The following COL4A5 variants were observed in gnomAD, a reference collection of about 807,000 sequenced individuals.
COL4A5 encodes collagen type IV alpha 5 chain.
A neutral mutation model predicts 130.2 loss-of-function variants in COL4A5; 26 were observed. The observed-to-expected ratio is 0.20, with a 90% CI of 0.15 to 0.28. COL4A5 has a LOEUF of 0.28. COL4A5 is among the 10% of genes least tolerant of loss of function. The probability of loss-of-function intolerance (pLI) is 1.00; values close to 1 mark genes in which losing one functional copy is unlikely to be tolerated. For missense variants in COL4A5, 1,131 were observed against 1,344.3 expected (o/e 0.84, Z 2.48); for synonymous variants, 496 against 439.6 (o/e 1.13, Z -1.60).
chrX:108,569,073 A>G (rs1389724559), intron 6 of COL4A5: 4 of 322,559 alleles, frequency 1.2e-5, no homozygotes, highest in Non-Finnish European at 2.2e-5. Context: ...TTTAGCATAA[A>G]GTAGGATGAG....
At chrX:108,508,917 G>A (rs889020611) in intron 1 of COL4A5, among the ~76,000 whole-genome samples, 5 of 111,853 alleles carry the variant, frequency 4.5e-5, no homozygotes, top group Admixed American at 2.8e-4. Context: ...AACTCAAAAT[G>A]TATTAAACAA....
At chrX:108,452,587 A>G (rs879179221) in intron 1 of COL4A5, among the ~76,000 whole-genome samples, 2 of 111,718 alleles carry the variant, frequency 1.8e-5, no homozygotes, top group South Asian at 3.8e-4. Context: ...CTTTGAAGCA[A>G]TTGTGAATGG....
chrX:108,568,439 A>G (rs2066008498), intron 4 of COL4A5, among the ~76,000 whole-genome samples, 190 bp from the exon 5 acceptor site: 1 of 112,135 alleles, frequency 8.9e-6, no homozygotes, highest in Non-Finnish European at 1.9e-5. Context: ...ATAGTTTTCA[A>G]TAAAAGAGAC....
At chrX:108,542,090 G>A (rs1406302865) in intron 2 of COL4A5, among the ~76,000 whole-genome samples, 1 of 111,613 alleles carries the variant, frequency 9.0e-6, no homozygotes, top group African/African-American at 3.3e-5. Flanking sequence ...ACAGAGTAAT[G>A]GAAACTGTAT....
At chrX:108,619,791 T>A (rs2067002811) in intron 30 of COL4A5, among the ~76,000 whole-genome samples, 1 of 112,123 alleles carries the variant, frequency 8.9e-6, no homozygotes, top group Non-Finnish European at 1.9e-5. Flanking sequence ...CAAATGTAAG[T>A]GTGTTCAATA....
intron 36 of COL4A5, among the ~76,000 whole-genome samples, chrX:108,638,338 T>A (rs1354373491): frequency 2.7e-5 from 3 of 110,876 alleles, no homozygotes; most frequent in Non-Finnish European, 3.8e-5. Flanking sequence ...GATCACTTAA[T>A]TAATGCAAAA....
chrX:108,592,175 T>G (rs1339618637), intron 21 of COL4A5, among the ~76,000 whole-genome samples: 1 of 111,874 alleles, frequency 8.9e-6, no homozygotes, highest in African/African-American at 3.2e-5. Context: ...CAAGAGAACT[T>G]TCACTGATTG....
At position 108,569,003 on chromosome X, in the gene COL4A5, T is replaced by C. The variant is rs1484002947; in HGVS notation, c.384+182T>C. 7.0e-6 allele frequency: 3 copies of C among 429,873 alleles called. No homozygotes were observed. In the Admixed American group the frequency reaches 1.2e-4, roughly 18 times the overall value. 35.4% of individuals were successfully genotyped at this position (429,873 alleles called of 1,213,427 possible). The stretch of plus-strand genomic sequence containing the variant: ...GAACTATCAATAATTTCATTAAACA[T>C]GTATAATTAGCTGGGATATTGCATT... On this transcript the variant is annotated intron_variant, in intron 6 of 52. Coordinates refer to ENST00000328300, the MANE Select transcript of COL4A5 (RefSeq NM_033380.3).
intron 1 of COL4A5, among the ~76,000 whole-genome samples, chrX:108,474,127 T>C (rs2064809275): frequency 1.8e-5 from 2 of 111,493 alleles, no homozygotes; most frequent in Admixed American, 1.9e-4. Flanking sequence ...ACAGAGTCTA[T>C]AGTAATATGC....
chrX:108,662,915 A>G (rs189016363), intron 37 of COL4A5, among the ~76,000 whole-genome samples: 1 of 112,283 alleles, frequency 8.9e-6, no homozygotes, highest in African/African-American at 3.2e-5. Context: ...AATCCTAAGC[A>G]AAAAGAACAA....
chrX:108,624,427 A>AT (rs1352989880), intron 34 of COL4A5, 93 bp downstream of exon 34: 1 of 765,598 alleles, frequency 1.3e-6, no homozygotes, highest in Non-Finnish European at 2.0e-6. Flanking sequence ...GATGCTGTGG[A>AT]TTTGATCATG....
intron 36 of COL4A5, among the ~76,000 whole-genome samples, chrX:108,645,580 T>A (rs76339069): frequency 0.12 from 12,791 of 109,020 alleles, 1,356 homozygotes; most frequent in African/African-American, 0.34. Context: ...TACTTTTTTT[T>A]AAAATTATTA....
At chrX:108,527,844 C>T (rs757116782) in intron 1 of COL4A5, among the ~76,000 whole-genome samples, 11 of 112,020 alleles carry the variant, frequency 9.8e-5, no homozygotes, top group Non-Finnish European at 1.7e-4. Context: ...CAGCTGGTAC[C>T]TGCCTGCAAG....
At chrX:108,536,265 G>T (rs1306256285) in intron 1 of COL4A5, among the ~76,000 whole-genome samples, 1 of 110,010 alleles carries the variant, frequency 9.1e-6, no homozygotes, top group Non-Finnish European at 1.9e-5. Context: ...GTAGTTGTGT[G>T]TGTGTGTGTG....
At position 108,660,446 on chromosome X, in the gene COL4A5, G is replaced by A. The variant is rs1041162837; in HGVS notation, c.3373+4989G>A. ...TTTGCTGGTGACAAATTCTCTCACC[G>A]TTAATTTATCTGCAAATGTCTTTGT... On this transcript the variant is annotated intron_variant, in intron 37 of 52. Coordinates refer to ENST00000328300, the MANE Select transcript of COL4A5 (RefSeq NM_033380.3). Among the ~76,000 whole-genome samples the A allele has an allele frequency of 4.5e-5, 5 of 111,604 alleles. No individual in the cohort carries two copies. In the East Asian group the frequency reaches 8.5e-4, roughly 19 times the overall value.
intron 36 of COL4A5, among the ~76,000 whole-genome samples, chrX:108,631,392 TA>T (rs2067256901): frequency 9.0e-6 from 1 of 111,297 alleles, no homozygotes; most frequent in Non-Finnish European, 1.9e-5. Flanking sequence ...GTTGTATTCC[TA>T]GGTATTTTAT....
chrX:108,440,239 A>G, intron 1 of COL4A5, 33 bp downstream of exon 1: 2 of 1,009,903 alleles, frequency 2.0e-6, no homozygotes, highest in Non-Finnish European at 2.8e-6. Context: ...CGCGCCCATC[A>G]CCGCTCTTTC....
intron 1 of COL4A5, among the ~76,000 whole-genome samples, chrX:108,470,964 G>C (rs981317897): frequency 3.6e-5 from 4 of 111,450 alleles, no homozygotes; most frequent in Admixed American, 2.9e-4. Context: ...TAGGTGAAAG[G>C]CTTTATTTCT....
chrX:108,681,680 G>T (rs1017535567), intron 46 of COL4A5, 80 bp from the exon 47 acceptor site: 9 of 1,177,158 alleles, frequency 7.6e-6, no homozygotes, highest in Non-Finnish European at 1.0e-5. Flanking sequence ...ACCAATTTTT[G>T]TCCTGAACTT....
Sources: allele counts gnomAD v4.1 joint callset (sites outside exome capture counted in the v4.1 genomes callset), GRCh38; gene constraint gnomAD v4.1.1; transcripts MANE v1.5; gene names NCBI Gene and HGNC (gene_info 2026-07-23, HGNC 2026-07-21).